Variants in KAZN observed in about 807,000 individuals in gnomAD.
The protein encoded by KAZN is kazrin.
KAZN carries 40 observed loss-of-function variants against 87.4 expected under a neutral mutation model. The observed-to-expected ratio is 0.46, with a 90% CI of 0.36 to 0.60. The LOEUF (loss-of-function observed/expected upper bound fraction) is 0.60. Ranked by LOEUF, KAZN falls within the 20% of genes least tolerant of loss-of-function variation. The pLI, the probability that KAZN is intolerant of heterozygous loss-of-function variation, is 0.00. For missense variants in KAZN, 898 were observed against 1,073.9 expected (o/e 0.84, Z 2.29); for synonymous variants, 466 against 458.3 (o/e 1.02, Z -0.22).
At chr1:14,345,101 T>G (rs1658014907) in intron 2 of KAZN, among the ~76,000 whole-genome samples, 2 of 152,030 alleles carry the variant, frequency 1.3e-5, no homozygotes, top group South Asian at 4.1e-4. Context: ...GTATTTTTAG[T>G]AGAGATGGTG....
chr1:14,322,013 C>G (rs912006530), intron 2 of KAZN, among the ~76,000 whole-genome samples: 2 of 152,306 alleles, frequency 1.3e-5, no homozygotes, highest in East Asian at 3.9e-4. Flanking sequence ...TCTATTCACT[C>G]TAAGGGCTTT....
intron 2 of KAZN, among the ~76,000 whole-genome samples, chr1:14,478,386 G>A (rs1668889664): frequency 6.6e-6 from 1 of 152,070 alleles, no homozygotes; most frequent in Admixed American, 6.5e-5. Flanking sequence ...CTATCTAGGT[G>A]GATGGAAAAA....
intron 1 of KAZN, among the ~76,000 whole-genome samples, chr1:14,807,168 CA>C (rs1646249439): frequency 6.6e-6 from 1 of 152,150 alleles, no homozygotes; most frequent in South Asian, 2.1e-4. Context: ...TGGGCAGGCA[CA>C]ACCTGGTTTC....
At chr1:14,799,916 G>A (rs768764834) in intron 1 of KAZN, among the ~76,000 whole-genome samples, 4 of 152,066 alleles carry the variant, frequency 2.6e-5, no homozygotes, top group African/African-American at 9.7e-5. Flanking sequence ...CTAATGAAAC[G>A]GTATTAGATA....
intron 4 of KAZN, among the ~76,000 whole-genome samples, chr1:15,048,414 G>GTGTGTGTA (rs961482555): frequency 7.2e-5 from 10 of 139,616 alleles, no homozygotes; most frequent in Non-Finnish European, 6.1e-5. Flanking sequence ...GGGACCGCAT[G>GTGTGTGTA]TGTGTGTATG....
rs138474452 is a variant in KAZN, at chr1:14,013,250, A to G, written c.91+119494A>G. ...CTCTTTCCAAAGAAACCAACTAAAG[A>G]GTACCCTGTAAACTATTTTTATCAA... On this transcript the variant is annotated intron_variant, in intron 1 of 16. Coordinates refer to the KAZN transcript ENST00000636203. 3.5e-4 allele frequency among the ~76,000 whole-genome samples: 53 copies of G among 152,322 alleles called. 2 individuals are homozygous for G. In the East Asian group the frequency reaches 0.01, roughly 29 times the overall value.
At chr1:14,275,286 A>G (rs1297733967) in intron 2 of KAZN, among the ~76,000 whole-genome samples, 3 of 152,180 alleles carry the variant, frequency 2.0e-5, no homozygotes, top group African/African-American at 7.2e-5. Flanking sequence ...CAGCAACATC[A>G]GTATCACCCA....
At chr1:14,298,969 G>C (rs775623195) in intron 2 of KAZN, among the ~76,000 whole-genome samples, 2 of 152,204 alleles carry the variant, frequency 1.3e-5, no homozygotes, top group Non-Finnish European at 2.9e-5. Context: ...ATGAGCATAC[G>C]TAAACATGTG....
At chr1:14,747,687 T>G (rs561358368) in intron 1 of KAZN, among the ~76,000 whole-genome samples, 1 of 152,258 alleles carries the variant, frequency 6.6e-6, no homozygotes, top group South Asian at 2.1e-4. Context: ...AAGTATCAGT[T>G]TGAGTCCCTG....
At chr1:14,477,459 T>C (rs897861767) in intron 2 of KAZN, among the ~76,000 whole-genome samples, 1 of 139,496 alleles carries the variant, frequency 7.2e-6, no homozygotes, top group African/African-American at 3.1e-5. Context: ...TCTCTCTCTC[T>C]CTCTTTCTCT....
At chr1:14,082,274 T>A (rs1643703578) in intron 1 of KAZN, among the ~76,000 whole-genome samples, 1 of 152,204 alleles carries the variant, frequency 6.6e-6, no homozygotes, top group Non-Finnish European at 1.5e-5. Flanking sequence ...TGGAATCAAA[T>A]CCTACCTTTC....
intron 1 of KAZN, among the ~76,000 whole-genome samples, chr1:14,659,291 A>C (rs1348635437): frequency 1.3e-5 from 2 of 152,154 alleles, no homozygotes; most frequent in African/African-American, 4.8e-5. Flanking sequence ...AAAGGACAGA[A>C]TCTAGCCAAA....
intron 4 of KAZN, among the ~76,000 whole-genome samples, chr1:15,052,706 T>C (rs1438262934): frequency 6.6e-6 from 1 of 152,150 alleles, no homozygotes; most frequent in Non-Finnish European, 1.5e-5. Context: ...TTCCTCTCCA[T>C]TGTAGCTCTG....
chr1:15,024,574 C>T (rs143101171), intron 2 of KAZN, among the ~76,000 whole-genome samples: 9 of 152,276 alleles, frequency 5.9e-5, no homozygotes, highest in Admixed American at 2.6e-4. Context: ...TCAGATGGTC[C>T]GAGGAGCCTC....
chr1:14,825,849 C>G (rs1422101044), intron 1 of KAZN, among the ~76,000 whole-genome samples: 1 of 152,228 alleles, frequency 6.6e-6, no homozygotes, highest in Non-Finnish European at 1.5e-5. Context: ...AGCCCTCACT[C>G]TTATTTGTTG....
intron 1 of KAZN, among the ~76,000 whole-genome samples, chr1:14,896,144 T>A (rs1019148635): frequency 4.0e-5 from 6 of 151,360 alleles, no homozygotes; most frequent in Admixed American, 1.3e-4. Context: ...AACCTCTGCT[T>A]CCCGGGTTCA....
intron 2 of KAZN, among the ~76,000 whole-genome samples, chr1:14,498,239 G>A (rs550011609): frequency 6.6e-6 from 1 of 152,288 alleles, no homozygotes; most frequent in African/African-American, 2.4e-5. Flanking sequence ...TAGCTCAAAG[G>A]ACTCGTTCCT....
At chr1:14,526,919 C>A (rs536784766) in intron 2 of KAZN, among the ~76,000 whole-genome samples, 1 of 152,312 alleles carries the variant, frequency 6.6e-6, no homozygotes, top group South Asian at 2.1e-4. Context: ...TGTTATAGTG[C>A]GGAGTTCTTG....
chr1:14,774,563 T>C (rs984436228), intron 1 of KAZN, among the ~76,000 whole-genome samples: 1 of 151,660 alleles, frequency 6.6e-6, no homozygotes, highest in Admixed American at 6.6e-5. Flanking sequence ...CTTGACCTCC[T>C]GGGCTCAGGC....
Sources: allele counts gnomAD v4.1 joint callset (sites outside exome capture counted in the v4.1 genomes callset), GRCh38; gene constraint gnomAD v4.1.1; transcripts MANE v1.5; gene names NCBI Gene and HGNC (gene_info 2026-07-23, HGNC 2026-07-21).